The following ADGRL3 variants were observed in gnomAD, a reference collection of about 807,000 sequenced individuals.
The protein encoded by ADGRL3 is adhesion G protein-coupled receptor L3.
ADGRL3 carries 62 observed loss-of-function variants against 153.5 expected under a neutral mutation model. That is an observed-to-expected ratio of 0.40 (90% confidence interval 0.33 to 0.50). ADGRL3 has a LOEUF of 0.50. Ranked by LOEUF, ADGRL3 falls within the 20% of genes least tolerant of loss-of-function variation. The pLI is 0.47. For missense variants in ADGRL3, 1,641 were observed against 1,859.4 expected (o/e 0.88, Z 2.16); for synonymous variants, 710 against 672.5 (o/e 1.06, Z -0.86).
intron 17 of ADGRL3, among the ~76,000 whole-genome samples, chr4:61,973,059 A>G (rs879746032): frequency 2.6e-5 from 4 of 152,042 alleles, no homozygotes; most frequent in Admixed American, 1.3e-4. Context: ...TATAGTTTGT[A>G]TCCCATCTGG....
At chr4:61,592,136 G>A (rs1374441181) in intron 5 of ADGRL3, among the ~76,000 whole-genome samples, 1 of 151,124 alleles carries the variant, frequency 6.6e-6, no homozygotes. Flanking sequence ...TTAGTTTTCA[G>A]TTCATATCAA....
intron 11 of ADGRL3, among the ~76,000 whole-genome samples, chr4:61,909,327 A>G (rs2098711042): frequency 6.6e-6 from 1 of 152,206 alleles, no homozygotes; most frequent in Non-Finnish European, 1.5e-5. Flanking sequence ...ATGATTTTTC[A>G]AAGTAAGTTT....
At chr4:61,757,306 T>C (rs918901677) in intron 8 of ADGRL3, among the ~76,000 whole-genome samples, 9 of 152,198 alleles carry the variant, frequency 5.9e-5, no homozygotes, top group African/African-American at 1.7e-4. Context: ...GAGCCTGTTA[T>C]TGGTCTATTC....
At chr4:61,827,784 G>T (rs188653065) in intron 9 of ADGRL3, among the ~76,000 whole-genome samples, 7 of 152,148 alleles carry the variant, frequency 4.6e-5, no homozygotes, top group African/African-American at 1.7e-4. Flanking sequence ...TTTTGGTACT[G>T]TTCTGGAAGA....
intron 5 of ADGRL3, among the ~76,000 whole-genome samples, chr4:61,629,227 G>T (rs910261022): frequency 6.6e-6 from 1 of 152,102 alleles, no homozygotes; most frequent in Non-Finnish European, 1.5e-5. Flanking sequence ...AATAATTGAT[G>T]CTGATACTAT....
intron 4 of ADGRL3, among the ~76,000 whole-genome samples, chr4:61,518,394 A>G (rs981678615): frequency 2.5e-3 from 1 of 402 alleles, no homozygotes; most frequent in Non-Finnish European, 0.038. Flanking sequence ...TGAGAGGGAT[A>G]CACATATTAA....
At chr4:62,055,529 AG>A (rs1354538787) in intron 25 of ADGRL3, among the ~76,000 whole-genome samples, 1 of 151,860 alleles carries the variant, frequency 6.6e-6, no homozygotes, top group Middle Eastern at 3.2e-3. Context: ...ATGATGAAAG[AG>A]TTCTTAGCGT....
intron 5 of ADGRL3, among the ~76,000 whole-genome samples, chr4:61,676,042 A>G (rs1465667355): frequency 4.0e-5 from 6 of 151,800 alleles, no homozygotes; most frequent in African/African-American, 1.5e-4. Context: ...AGAACATGCA[A>G]AGTTTGTCTT....
intron 4 of ADGRL3, among the ~76,000 whole-genome samples, chr4:61,543,091 T>C (rs747669693): frequency 1.3e-5 from 2 of 152,148 alleles, no homozygotes; most frequent in Non-Finnish European, 2.9e-5. Context: ...ATTTGTTTTA[T>C]GTATTTACTA....
Position 61,462,891 on chromosome 4 carries a change from A to T in ADGRL3, c.-173-34230A>T, listed in dbSNP as rs147330694. Among the ~76,000 whole-genome samples, 14 of 152,258 alleles carry T rather than the reference A, an allele frequency of 9.2e-5. No homozygotes were observed. In the East Asian group the frequency reaches 2.7e-3, roughly 29 times the overall value. ...AATCCCTGCATCAAAGAGATTAAGG[A>T]TTAGTCATGTTTGGGCCTAGTCAGA... On this transcript the variant is annotated intron_variant, in intron 2 of 26. Transcript: ENST00000683033.
At chr4:61,955,746 C>T (rs1382462130) in intron 17 of ADGRL3, among the ~76,000 whole-genome samples, 2 of 152,072 alleles carry the variant, frequency 1.3e-5, no homozygotes, top group Non-Finnish European at 2.9e-5. Flanking sequence ...TCCATGTGTT[C>T]TCATTATTCA....
intron 1 of ADGRL3, among the ~76,000 whole-genome samples, chr4:61,363,352 T>TC (rs1184221577): frequency 6.6e-6 from 1 of 151,916 alleles, no homozygotes; most frequent in East Asian, 1.9e-4. Context: ...TTTTTTTTTT[T>TC]GGATTTTTAA....
chr4:61,318,116 G>T (rs1409522674), intron 1 of ADGRL3, among the ~76,000 whole-genome samples: 1 of 147,632 alleles, frequency 6.8e-6, no homozygotes, highest in East Asian at 2.1e-4. Flanking sequence ...GGCGTAGGTT[G>T]CAGTGAGCCA....
At chr4:61,206,564 A>G (rs1737288261) in intron 1 of ADGRL3, among the ~76,000 whole-genome samples, 1 of 152,210 alleles carries the variant, frequency 6.6e-6, no homozygotes, top group South Asian at 2.1e-4. Context: ...CAGAAGGTAT[A>G]TGATATGTGA....
At chr4:61,334,668 G>C (rs1181922866) in intron 1 of ADGRL3, among the ~76,000 whole-genome samples, 2 of 151,894 alleles carry the variant, frequency 1.3e-5, no homozygotes, top group African/African-American at 2.4e-5. Flanking sequence ...CTCCAATTGG[G>C]TTTTACTATG....
At chr4:61,738,494 T>TA (rs1260442353) in intron 8 of ADGRL3, among the ~76,000 whole-genome samples, 1 of 152,148 alleles carries the variant, frequency 6.6e-6, no homozygotes, top group Non-Finnish European at 1.5e-5. Flanking sequence ...AAGGAATCTC[T>TA]ACACTGTTTT....
At chr4:61,666,195 A>G (rs2094787522) in intron 5 of ADGRL3, among the ~76,000 whole-genome samples, 1 of 152,112 alleles carries the variant, frequency 6.6e-6, no homozygotes, top group Non-Finnish European at 1.5e-5. Flanking sequence ...CAACTTTATT[A>G]CAAGCAAATA....
At chr4:61,261,169 T>A (rs2092477504) in intron 1 of ADGRL3, among the ~76,000 whole-genome samples, 1 of 149,850 alleles carries the variant, frequency 6.7e-6, no homozygotes, top group African/African-American at 2.5e-5. Context: ...CAGCTATTTT[T>A]TGTTCTTTTT....
intron 1 of ADGRL3, among the ~76,000 whole-genome samples, chr4:61,251,769 A>C (rs1759349715): frequency 7.0e-6 from 1 of 142,786 alleles, no homozygotes. Flanking sequence ...TCACACTCTC[A>C]ACTCTAGGAT....
Sources: gnomAD v4.1 joint callset for allele counts (sites outside exome capture counted in the v4.1 genomes callset) on GRCh38, gnomAD v4.1.1 for gene constraint, MANE v1.5 for transcripts, NCBI Gene and HGNC (gene_info 2026-07-23, HGNC 2026-07-21) for gene names.